Variants in SYNJ2 observed in about 807,000 individuals in gnomAD.
SYNJ2 encodes the protein polyphosphatidylinositol phosphatase SYNJ2.
SYNJ2 carries 116 observed loss-of-function variants against 141.3 expected under a neutral mutation model. That is an observed-to-expected ratio of 0.82 (90% CI 0.71 to 0.96). The LOEUF (loss-of-function observed/expected upper bound fraction) is 0.96, where lower values mean the gene tolerates loss of function less well. Ranked by LOEUF, SYNJ2 falls within the 40% of genes least tolerant of loss-of-function variation. The pLI, the probability that SYNJ2 is intolerant of heterozygous loss-of-function variation, is 0.00. For synonymous variants in SYNJ2, 745 were observed against 777.7 expected, an observed-to-expected ratio of 0.96 and a Z score of 0.70; for missense variants, 1,873 against 1,934.8, an observed-to-expected ratio of 0.97 and a Z score of 0.60.
chr6:158,042,606 T>C (rs771721819), intron 4 of SYNJ2, among the ~76,000 whole-genome samples: 1 of 152,204 alleles, frequency 6.6e-6, no homozygotes, highest in Non-Finnish European at 1.5e-5. Flanking sequence ...TCCAGCGTCA[T>C]TGGAGGCCTG....
rs1444393408 is a variant in SYNJ2 at position 158,070,870 on chromosome 6, G to A, written c.1941-732G>A. 1.3e-5 allele frequency among the ~76,000 whole-genome samples: 2 copies of A among 152,204 alleles called. No homozygotes were observed. Among genetic ancestry groups the A allele is most frequent in the Admixed American group, 6.5e-5 (1 of 15,278 alleles). On this transcript the variant is annotated intron_variant, in intron 14 of 26. Coordinates refer to ENST00000355585, the MANE Select transcript of SYNJ2 (RefSeq NM_003898.4). The surrounding 1 kb of genome is among the most constrained non-coding windows in gnomAD (Gnocchi z 4.0). ...TCTACCCAGCCCAGCATAAACAGCT[G>A]CCCGTTTCCTAGCTCTTAAAGTGCA...
intron 2 of SYNJ2, among the ~76,000 whole-genome samples, chr6:158,020,679 T>C (rs1174878384): frequency 6.6e-6 from 1 of 151,166 alleles, no homozygotes; most frequent in Non-Finnish European, 1.5e-5. Context: ...ACTTCAGCTG[T>C]GTGACTCCAT....
intron 13 of SYNJ2, 71 bp downstream of exon 13, chr6:158,068,799 T>A (rs1781726987): frequency 3.9e-6 from 6 of 1,542,028 alleles, no homozygotes; most frequent in Admixed American, 1.7e-5. Context: ...GCAGAGCCTC[T>A]GAGGCTCTCC....
intron 3 of SYNJ2, among the ~76,000 whole-genome samples, chr6:158,032,932 C>T (rs1310089096): frequency 6.6e-6 from 1 of 152,130 alleles, no homozygotes; most frequent in African/African-American, 2.4e-5. Context: ...TGCTTTGTAG[C>T]GCTCTCGTCA....
At chr6:158,030,762 G>A (rs150182766) in intron 3 of SYNJ2, 9,298 of 152,260 alleles carry the variant, frequency 0.061, 405 homozygotes, top group Non-Finnish European at 0.09. Flanking sequence ...AGGTGTGGTG[G>A]CGCACACCTG....
rs1249319479 is a variant in SYNJ2 at position 158,040,253 on chromosome 6, G to A, written c.712-3063G>A. Among the ~76,000 whole-genome samples, 1 of 151,582 alleles carries A rather than the reference G, an allele frequency of 6.6e-6. No homozygotes were observed. The highest frequency in any genetic ancestry group is 1.5e-5 in the Non-Finnish European group (1 of 67,994). On this transcript the variant is annotated intron_variant, in intron 4 of 26. Coordinates refer to ENST00000355585, the MANE Select transcript of SYNJ2 (RefSeq NM_003898.4). The surrounding 1 kb of genome is among the most constrained non-coding windows in gnomAD (Gnocchi z 4.2). ...TGTGTGTATGTGTCATGTGCATTGT[G>A]CATTTGTGTATACATGTGTGTGGTG...
Position 158,035,039 on chromosome 6 carries a change from C to T in SYNJ2, c.711+1359C>T, listed in dbSNP as rs145917970. Among the ~76,000 whole-genome samples the T allele has an allele frequency of 2.1e-4, 32 of 152,260 alleles. No individual in the cohort carries two copies. The East Asian group carries it at 5.6e-3, about 27-fold the overall frequency. On this transcript the variant is annotated intron_variant, in intron 4 of 26. Transcript: ENST00000355585. ...TTGTCTATTCTGTTTCATTGGTCTA[C>T]GTATCTGTTTTTGTACCAGTGCCAT... is the stretch of plus-strand genomic sequence containing the variant.
chr6:157,982,160 G>A lies in SYNJ2; in HGVS notation c.127+72G>A. On this transcript the variant is annotated intron_variant, in intron 1 of 26. Transcript: ENST00000355585. The surrounding 1 kb of genome is among the most constrained non-coding windows in gnomAD (Gnocchi z 4.0). Reference sequence around the variant, plus strand: ...CATTCGCCCAGCCTCGGGAAGACGGGTACCCCCCCTTCCCGAGGGGATCGG... The same window carrying A: ...CATTCGCCCAGCCTCGGGAAGACGGATACCCCCCCTTCCCGAGGGGATCGG... The A allele has an allele frequency of 2.4e-6, 3 of 1,262,318 alleles. No homozygotes were observed. Among genetic ancestry groups the A allele is most frequent in the East Asian group, 3.2e-5 (1 of 31,470 alleles). The allele number at this position is 1,262,318 out of a possible 1,614,324, so 78.2% of individuals were successfully genotyped here.
At position 158,070,531 on chromosome 6, in the gene SYNJ2, C is replaced by T. The variant is rs73795228; in HGVS notation, c.1940+858C>T. On this transcript the variant is annotated intron_variant, in intron 14 of 26. Transcript: ENST00000355585. The surrounding 1 kb of genome is among the most constrained non-coding windows in gnomAD (Gnocchi z 4.0). ...GGTTAGTAAAGGTTAAAGGCAAGGG[C>T]GGGGTGAGGGTGAGAGGTAAAGCAT... 3,905 of 984,128 alleles carry T rather than the reference C, an allele frequency of 4.0e-3. 103 individuals carry two copies. In the African/African-American group the frequency reaches 0.063, roughly 16 times the overall value. 61.0% of individuals were successfully genotyped at this position (984,128 alleles called of 1,614,324 possible). A position where few individuals can be genotyped will look rare whatever the true frequency, so the allele number is the denominator to read the frequency against.
chr6:157,997,817 G>C (rs1204709308), intron 1 of SYNJ2, among the ~76,000 whole-genome samples: 1 of 152,222 alleles, frequency 6.6e-6, no homozygotes, highest in African/African-American at 2.4e-5. Flanking sequence ...TGATTTACCA[G>C]GTAGCACAAC....
chr6:158,000,811 G>C (rs908208066), intron 1 of SYNJ2, among the ~76,000 whole-genome samples: 1 of 152,132 alleles, frequency 6.6e-6, no homozygotes, highest in African/African-American at 2.4e-5. Context: ...CCACTCTGCT[G>C]TCCTTGGGAG....
intron 2 of SYNJ2, chr6:158,017,534 C>T (rs111749087): frequency 0.079 from 40,200 of 509,430 alleles, 2,107 homozygotes; most frequent in South Asian, 0.18. Flanking sequence ...CCTGCCTCAG[C>T]CTCCTGAATA....
chr6:158,095,183 C>G (rs1298876221), intron 26 of SYNJ2, among the ~76,000 whole-genome samples: 1 of 151,916 alleles, frequency 6.6e-6, no homozygotes, highest in Non-Finnish European at 1.5e-5. Flanking sequence ...GAAAGTATAT[C>G]CATTAGTCCT....
intron 20 of SYNJ2, among the ~76,000 whole-genome samples, chr6:158,081,790 T>A (rs1229507282): frequency 2.6e-5 from 4 of 151,672 alleles, no homozygotes; most frequent in Non-Finnish European, 5.9e-5. Flanking sequence ...CCCAGCTAAT[T>A]TTTTTTAAAT....
chr6:158,073,017 C>T (rs1049163896), intron 15 of SYNJ2, among the ~76,000 whole-genome samples: 2 of 148,978 alleles, frequency 1.3e-5, no homozygotes, highest in African/African-American at 5.0e-5. Flanking sequence ...TTGCAGTGAG[C>T]TGAGATCGCA....
rs564459664 is a variant in SYNJ2, at chr6:158,017,760, C to T, written c.214+470C>T. On this transcript the variant is annotated intron_variant, in intron 2 of 26. Transcript: ENST00000355585. ...ATGTTTCTTTATGCCTCGGGACCTG[C>T]TCCTCCTGCAGGAACCTGCAGGTGG... 424 of 532,686 alleles carry T rather than the reference C, an allele frequency of 8.0e-4. 4 individuals carry two copies. Among genetic ancestry groups the T allele is most frequent in the South Asian group, 5.7e-3 (405 of 71,418 alleles). 33.0% of individuals were successfully genotyped at this position (532,686 alleles called of 1,614,324 possible). A position where few individuals can be genotyped will look rare whatever the true frequency, so the allele number is the denominator to read the frequency against.
At chr6:158,079,914 A>G (rs1054459203) in intron 18 of SYNJ2, among the ~76,000 whole-genome samples, 1 of 152,222 alleles carries the variant, frequency 6.6e-6, no homozygotes, top group Non-Finnish European at 1.5e-5. Flanking sequence ...AACAGACAAT[A>G]AACAAACATG....
chr6:158,038,729 A>G (rs1309018852), intron 4 of SYNJ2, among the ~76,000 whole-genome samples: 1 of 152,226 alleles, frequency 6.6e-6, no homozygotes, highest in African/African-American at 2.4e-5. Context: ...GGGGCGCAGC[A>G]GGAGTGGGGC....
chr6:158,021,741 C>T (rs1778782374), intron 2 of SYNJ2, among the ~76,000 whole-genome samples: 1 of 152,140 alleles, frequency 6.6e-6, no homozygotes. Flanking sequence ...AGTTTGAACC[C>T]TTAGTCTTTT....
Sources: gnomAD v4.1 joint callset for allele counts (sites outside exome capture counted in the v4.1 genomes callset) on GRCh38, gnomAD v4.1.1 for gene constraint, Gnocchi (gnomAD v3.1) non-coding constraint, MANE v1.5 for transcripts, NCBI Gene and HGNC (gene_info 2026-07-23, HGNC 2026-07-21) for gene names.